The following BTBD8 variants were observed in gnomAD, a reference collection of about 807,000 sequenced individuals.
BTBD8 encodes the protein BTB domain containing 8, also known as BTB/POZ domain-containing protein 8.
In BTBD8, 110 loss-of-function variants were observed where a neutral mutation model predicts 162.9. That is an observed-to-expected ratio of 0.68 (90% CI 0.58 to 0.79). The LOEUF (loss-of-function observed/expected upper bound fraction) is 0.79, where lower values mean the gene tolerates loss of function less well. Ranked by LOEUF, BTBD8 falls within the 30% of genes least tolerant of loss-of-function variation. The pLI, the probability that BTBD8 is intolerant of heterozygous loss-of-function variation, is 0.00. For missense variants in BTBD8, 1,905 were observed against 2,085.4 expected, an observed-to-expected ratio of 0.91 and a Z score of 1.68; for synonymous variants, 667 against 716.1, an observed-to-expected ratio of 0.93 and a Z score of 1.10.
At chr1:92,113,569 C>T (rs558841455) in intron 4 of BTBD8, among the ~76,000 whole-genome samples, 12 of 152,314 alleles carry the variant, frequency 7.9e-5, no homozygotes, top group East Asian at 3.9e-4. Context: ...ATCAGAGAAG[C>T]GCCTGTTTTC....
intron 5 of BTBD8, among the ~76,000 whole-genome samples, chr1:92,139,090 A>G (rs1379885340): frequency 1.3e-5 from 2 of 152,222 alleles, no homozygotes; most frequent in African/African-American, 4.8e-5. Context: ...TTCTAACTTT[A>G]AAAGTGTATG....
chr1:92,180,242 A>G lies in BTBD8; in HGVS notation c.2582-23A>G, dbSNP rs576456064. ...ATTGGAGGTGATATTACATTACTGA[A>G]TATACCCTCTTACTTTTCTTAGGAT... On this transcript the variant is annotated intron_variant, in intron 16 of 17. Transcript: ENST00000636805. 30 of 1,495,636 alleles carry G rather than the reference A, an allele frequency of 2.0e-5. No individual in the cohort carries two copies. In the African/African-American group the frequency reaches 3.8e-4, roughly 19 times the overall value. The allele number at this position is 1,495,636 out of a possible 1,614,324, so 92.6% of individuals were successfully genotyped here. A position where few individuals can be genotyped will look rare whatever the true frequency, so the allele number is the denominator to read the frequency against.
At chr1:92,124,154 A>G (rs759221928) in intron 4 of BTBD8, among the ~76,000 whole-genome samples, 2 of 152,242 alleles carry the variant, frequency 1.3e-5, no homozygotes, top group African/African-American at 2.4e-5. Context: ...CAATGGAAAA[A>G]GTTACCTCAA....
chr1:92,183,751 C>CTG (rs1200543633), intron 17 of BTBD8, 113 bp from the exon 18 acceptor site: 20 of 499,536 alleles, frequency 4.0e-5, no homozygotes, highest in African/African-American at 2.1e-4. Context: ...TTTTCCCATT[C>CTG]TGTGTTTTTT....
intron 4 of BTBD8, among the ~76,000 whole-genome samples, chr1:92,111,549 GT>G (rs1229933360): frequency 1.3e-5 from 2 of 152,030 alleles, no homozygotes; most frequent in Non-Finnish European, 2.9e-5. Flanking sequence ...GTCTTTTTGC[GT>G]TTAGATTATG....
intron 1 of BTBD8, among the ~76,000 whole-genome samples, chr1:92,084,032 C>G (rs1280662255): frequency 1.3e-5 from 2 of 152,124 alleles, no homozygotes; most frequent in Non-Finnish European, 2.9e-5. Flanking sequence ...GTTTGACTAG[C>G]AGATTGGTAG....
chr1:92,134,280 A>G (rs896847713), intron 5 of BTBD8, among the ~76,000 whole-genome samples: 4 of 152,122 alleles, frequency 2.6e-5, no homozygotes, highest in Admixed American at 6.5e-5. Context: ...AATGAGATGT[A>G]TTTTCTGTCC....
At chr1:92,110,560 T>G (rs1648860640) in intron 4 of BTBD8, among the ~76,000 whole-genome samples, 1 of 152,180 alleles carries the variant, frequency 6.6e-6, no homozygotes, top group African/African-American at 2.4e-5. Flanking sequence ...TGTAACATTA[T>G]CTTCCTGCCT....
intron 3 of BTBD8, among the ~76,000 whole-genome samples, chr1:92,104,624 G>A (rs1040692282): frequency 2.0e-5 from 3 of 152,130 alleles, no homozygotes; most frequent in Admixed American, 6.5e-5. Flanking sequence ...TCTGCCTTTC[G>A]ACTGTTTTCT....
At chr1:92,151,289 G>A (rs1233339933) in intron 9 of BTBD8, among the ~76,000 whole-genome samples, 1 of 151,686 alleles carries the variant, frequency 6.6e-6, no homozygotes, top group Non-Finnish European at 1.5e-5. Flanking sequence ...AGGAGGCAGA[G>A]GTTGCAGTAA....
chr1:92,142,272 C>T (rs983909637), intron 7 of BTBD8, among the ~76,000 whole-genome samples: 3 of 152,206 alleles, frequency 2.0e-5, no homozygotes, highest in Non-Finnish European at 4.4e-5. Flanking sequence ...ATGTCTCCCT[C>T]ATATTTCCAG....
At position 92,174,662 on chromosome 1, in the gene BTBD8, A is replaced by C. The variant is rs1650655114; in HGVS notation, c.1636-2167A>C. 3.3e-5 allele frequency among the ~76,000 whole-genome samples: 5 copies of C among 152,328 alleles called. No individual in the cohort carries two copies. In the South Asian group the frequency reaches 1.0e-3, roughly 32 times the overall value. ...GAGCTAAGATTTGAGCAAGAAAACA[A>C]AAAATGAGGACCAAGCCTATCTGAA... On this transcript the variant is annotated intron_variant, in intron 13 of 17. Coordinates refer to ENST00000636805, the MANE Select transcript of BTBD8 (RefSeq NM_001376131.1).
chr1:92,158,223 A>G (rs1481077355), intron 9 of BTBD8, among the ~76,000 whole-genome samples: 2 of 152,032 alleles, frequency 1.3e-5, no homozygotes, highest in African/African-American at 2.4e-5. Flanking sequence ...AGTTTAATCT[A>G]TTTATATTTT....
At chr1:92,146,760 C>G (rs1160344697) in intron 7 of BTBD8, among the ~76,000 whole-genome samples, 1 of 152,030 alleles carries the variant, frequency 6.6e-6, no homozygotes, top group Non-Finnish European at 1.5e-5. Flanking sequence ...CATTTAAGAT[C>G]CCCCCATGTC....
chr1:92,142,703 C>T (rs1649806394), intron 7 of BTBD8, among the ~76,000 whole-genome samples: 2 of 152,270 alleles, frequency 1.3e-5, no homozygotes, highest in East Asian at 1.9e-4. Context: ...TAGATGACAC[C>T]ATGTCCCACT....
intron 9 of BTBD8, among the ~76,000 whole-genome samples, chr1:92,156,301 G>A (rs1000199069): frequency 1.3e-5 from 2 of 152,142 alleles, no homozygotes; most frequent in South Asian, 4.1e-4. Context: ...TCTTTATAAT[G>A]TACTGTTGAA....
chr1:92,100,719 C>T (rs1648568016), intron 2 of BTBD8, among the ~76,000 whole-genome samples: 1 of 152,064 alleles, frequency 6.6e-6, no homozygotes, highest in Non-Finnish European at 1.5e-5. Flanking sequence ...AAGCGATTCT[C>T]CTGACTCAGC....
rs75414366 is a variant in BTBD8 at position 92,154,711 on chromosome 1, T to C, written c.1122+6925T>C. 2.1e-3 allele frequency among the ~76,000 whole-genome samples: 318 copies of C among 152,306 alleles called. 10 individuals are homozygous for C. The East Asian group carries it at 0.056, about 27-fold the overall frequency. The stretch of plus-strand genomic sequence containing the variant: ...CTTATGACATGTATGGTTTGCAGTA[T>C]TTTTCCCCATTCTGTAGATTTTTTC... On this transcript the variant is annotated intron_variant, in intron 9 of 17. Coordinates refer to ENST00000636805, the MANE Select transcript of BTBD8 (RefSeq NM_001376131.1).
At chr1:92,177,572 A>T in intron 14 of BTBD8, 26 bp downstream of exon 14, 1 of 1,392,236 alleles carries the variant, frequency 7.2e-7, no homozygotes, top group Non-Finnish European at 9.7e-7. Context: ...GTAATTTTTA[A>T]TATCTCCTGA....
Sources: gnomAD v4.1 joint callset for allele counts (sites outside exome capture counted in the v4.1 genomes callset) on GRCh38, gnomAD v4.1.1 for gene constraint, MANE v1.5 for transcripts, NCBI Gene and HGNC (gene_info 2026-07-23, HGNC 2026-07-21) for gene names.